The following AGAP6 variants were observed in gnomAD, a reference collection of about 807,000 sequenced individuals.
The protein encoded by AGAP6 is ArfGAP with GTPase domain, ankyrin repeat and PH domain 6.
In AGAP6, 29 loss-of-function variants were observed where a neutral mutation model predicts 63.9. That is an observed-to-expected ratio of 0.45 (90% CI 0.34 to 0.62). AGAP6 has a LOEUF of 0.62. Ranked by LOEUF, AGAP6 falls within the 20% of genes least tolerant of loss-of-function variation. AGAP6 has a pLI of 0.01. For synonymous variants in AGAP6, 199 were observed against 332.9 expected (o/e 0.60, Z 4.38); for missense variants, 493 against 884.9 (o/e 0.56, Z 5.62).
intron 7 of AGAP6, among the ~76,000 whole-genome samples, chr10:50,008,411 TCTC>T (rs1841991070): frequency 6.6e-6 from 1 of 151,712 alleles, no homozygotes; most frequent in South Asian, 2.1e-4. Context: ...TTCAAGCAAT[TCTC>T]CTGCCTCAGC....
intron 2 of AGAP6, among the ~76,000 whole-genome samples, chr10:49,990,861 T>A (rs1467579310): frequency 6.6e-6 from 1 of 152,154 alleles, no homozygotes; most frequent in African/African-American, 2.4e-5. Context: ...AGGATTGCTT[T>A]AGAATAAACA....
rs1431389558 is a variant in AGAP6 at position 50,009,203 on chromosome 10, A to G, written c.1078A>G (p.Ser360Gly). 6.2e-7 allele frequency: 1 copy of G among 1,614,120 alleles called. No individual in the cohort carries two copies. Among genetic ancestry groups the G allele is most frequent in the African/African-American group, 1.3e-5 (1 of 74,944 alleles). The change falls in exon 8 of 8, where the codon AGC becomes GGC. Residue 360 changes from serine to glycine, a missense_variant. Physicochemically the swap from Ser to Gly is moderately conservative, Grantham distance 56 (BLOSUM62 0). This residue lies in a region of AGAP6 where 342 missense variants were observed against 533.4 expected (regional missense o/e 0.64). Transcript: ENST00000412531. ...SACTPISSSK[S>G]NGLSKDMDTG... ...CTGCACACCCATCTCCAGCTCTAAAAGCAATGGCCTATCCAAGGACATGGA... is the reference window on the plus strand; with the variant it reads ...CTGCACACCCATCTCCAGCTCTAAAGGCAATGGCCTATCCAAGGACATGGA...
Position 50,008,786 on chromosome 10 carries a change from A to G in AGAP6, c.661A>G (p.Thr221Ala). 6.2e-7 allele frequency: 1 copy of G among 1,613,550 alleles called. No homozygotes were observed. The highest frequency in any genetic ancestry group is 1.1e-5 in the South Asian group (1 of 91,028). Reference protein sequence around the residue: ...LNNYSSSIPSTPSTSQEDPQF... With the variant: ...LNNYSSSIPSAPSTSQEDPQF... Reference sequence around the variant, plus strand: ...TAACTATTCCTCCTCCATTCCATCGACTCCCAGCACCAGCCAGGAGGACCC... The same window carrying G: ...TAACTATTCCTCCTCCATTCCATCGGCTCCCAGCACCAGCCAGGAGGACCC... The change falls in exon 8 of 8, where the codon ACT (threonine) becomes GCT (alanine). Residue 221 changes from threonine to alanine, a missense_variant. By Grantham distance (58) the Thr-to-Ala change is moderately conservative. Coordinates refer to ENST00000412531, the MANE Select transcript of AGAP6 (RefSeq NM_001077665.3).
rs1554860136 is a variant in AGAP6, at chr10:49,988,863, C to T, written c.148C>T (p.Gln50Ter). The change falls in exon 1 of 8, where the codon CAG (glutamine) becomes TAG (stop). Residue 50 changes from glutamine to a stop codon, truncating the protein, a stop_gained. Transcript: ENST00000412531. LOFTEE classifies it high-confidence loss of function. ...MAGAPMAAAV[Q>*]PAEVTVEVGE... is the part of the protein sequence containing the mutation. Reference sequence around the variant, plus strand: ...AGGAGCGCCCATGGCTGCTGCTGTACAGCCTGCTGAGGTGACTGTTGAAGT... The same window carrying T: ...AGGAGCGCCCATGGCTGCTGCTGTATAGCCTGCTGAGGTGACTGTTGAAGT... 6.3e-7 allele frequency: 1 copy of T among 1,599,218 alleles called. No homozygotes were observed. Among genetic ancestry groups the T allele is most frequent in the African/African-American group, 1.3e-5 (1 of 74,736 alleles).
At chr10:49,994,174 T>G (rs1158543660) in intron 3 of AGAP6, among the ~76,000 whole-genome samples, 1 of 152,174 alleles carries the variant, frequency 6.6e-6, no homozygotes. Flanking sequence ...TTCATTTGTA[T>G]GTAATAGAAA....
rs1554860193 is a variant in AGAP6 at position 49,988,953 on chromosome 10, G to A, written c.223+15G>A. ...GATGCCTGAAGGTGAGGAGGTGATAGGTGCCATCTACCCTCGGTTTGCCTC... is the reference window on the plus strand; with the variant it reads ...GATGCCTGAAGGTGAGGAGGTGATAAGTGCCATCTACCCTCGGTTTGCCTC... On this transcript the variant is annotated intron_variant, in intron 1 of 7. Coordinates refer to ENST00000412531, the MANE Select transcript of AGAP6 (RefSeq NM_001077665.3). 5.0e-6 allele frequency: 8 copies of A among 1,601,366 alleles called. No individual in the cohort carries two copies. In the South Asian group the frequency reaches 8.8e-5, roughly 18 times the overall value.
At chr10:49,993,139 A>G (rs184990576) in intron 3 of AGAP6, among the ~76,000 whole-genome samples, 10,949 of 152,090 alleles carry the variant, frequency 0.072, 532 homozygotes, top group African/African-American at 0.13. Flanking sequence ...TTCATAAGGA[A>G]TCCACTGCCA....
chr10:49,989,666 G>C (rs1841192901), intron 2 of AGAP6, among the ~76,000 whole-genome samples: 1 of 152,042 alleles, frequency 6.6e-6, no homozygotes, highest in Non-Finnish European at 1.5e-5. Context: ...AGGCTATATG[G>C]TATTCTTAAT....
intron 6 of AGAP6, among the ~76,000 whole-genome samples, chr10:50,006,624 G>T (rs1216059308): frequency 5.3e-5 from 8 of 152,168 alleles, no homozygotes; most frequent in Non-Finnish European, 1.2e-4. Flanking sequence ...CAAGCCATCT[G>T]CCTGCTTTGG....
At chr10:49,995,391 A>G (rs1240389655) in intron 4 of AGAP6, among the ~76,000 whole-genome samples, 1 of 152,062 alleles carries the variant, frequency 6.6e-6, no homozygotes, top group Admixed American at 6.6e-5. Flanking sequence ...TTTCACATCC[A>G]TTATTTTTTA....
At position 50,008,067 on chromosome 10, in the gene AGAP6, C is replaced by T; in HGVS notation, c.576C>T (p.His192=). The change falls in exon 7 of 8, where the codon CAC becomes CAT. Residue 192 remains histidine (H), a synonymous_variant. Coordinates refer to ENST00000412531, the MANE Select transcript of AGAP6 (RefSeq NM_001077665.3). ...RTLSIPDEQL[H]SFAVSTVHIM... ...TGAGCATACCTGATGAACAGTTACA[C>T]TCATTTGCGGTAAGTGGCACTTTTA... is the stretch of plus-strand genomic sequence containing the variant. The T allele has an allele frequency of 1.2e-6, 2 of 1,611,932 alleles. No homozygotes were observed. The highest frequency in any genetic ancestry group is 4.5e-5 in the East Asian group (2 of 44,870).
At chr10:49,990,503 CAG>C (rs781837631) in intron 2 of AGAP6, among the ~76,000 whole-genome samples, 66 of 152,166 alleles carry the variant, frequency 4.3e-4, no homozygotes, top group Non-Finnish European at 8.8e-4. Flanking sequence ...TTGGCAGAGG[CAG>C]GGGATGGGAG....
At chr10:49,990,087 G>A (rs1256545321) in intron 2 of AGAP6, among the ~76,000 whole-genome samples, 11 of 152,120 alleles carry the variant, frequency 7.2e-5, no homozygotes, top group East Asian at 1.9e-4. Flanking sequence ...GTTTGTTGCC[G>A]TGGCTCCCCG....
At chr10:49,993,353 T>C (rs1554861416) in intron 3 of AGAP6, among the ~76,000 whole-genome samples, 1 of 152,170 alleles carries the variant, frequency 6.6e-6, no homozygotes, top group Non-Finnish European at 1.5e-5. Context: ...TGGTAGGAGC[T>C]TTTGCCTACA....
chr10:49,997,874 A>G (rs1229012503), intron 4 of AGAP6, among the ~76,000 whole-genome samples: 1 of 144,154 alleles, frequency 6.9e-6, no homozygotes, highest in Non-Finnish European at 1.5e-5. Flanking sequence ...ATGAAAGAGA[A>G]CATGATATTT....
rs782199390 is a variant in AGAP6, at chr10:49,989,345, C to T, written c.261C>T (p.Ser87=). 2.5e-6 allele frequency: 4 copies of T among 1,597,478 alleles called. No individual in the cohort carries two copies. The highest frequency in any genetic ancestry group is 3.4e-6 in the Non-Finnish European group (4 of 1,179,762). The change falls in exon 2 of 8, where the codon AGC becomes AGT. Residue 87 remains serine, a synonymous_variant. Coordinates refer to ENST00000412531, the MANE Select transcript of AGAP6 (RefSeq NM_001077665.3). ...ACCTTTCTGCCAATCCAGAGTCAAG[C>T]ACAATATTCCAGAGGAACTCTCAAA... The part of the protein sequence containing the change: ...EFNLSANPES[S]TIFQRNSQTE...
At chr10:49,991,125 T>G (rs1443717839) in intron 2 of AGAP6, among the ~76,000 whole-genome samples, 2 of 152,246 alleles carry the variant, frequency 1.3e-5, no homozygotes, top group South Asian at 2.1e-4. Flanking sequence ...CCCTATGTAT[T>G]GTTAATGAAG....
intron 4 of AGAP6, among the ~76,000 whole-genome samples, chr10:49,997,746 C>A (rs1442739311): frequency 6.6e-6 from 1 of 150,388 alleles, no homozygotes; most frequent in Non-Finnish European, 1.5e-5. Flanking sequence ...GAGCAGTATC[C>A]GCTGAACCCA....
At chr10:50,008,673 C>T (rs1554864409) in intron 7 of AGAP6, 38 bp from the exon 8 acceptor site, 2 of 1,613,944 alleles carry the variant, frequency 1.2e-6, no homozygotes, top group Non-Finnish European at 1.7e-6. Context: ...AAGCCACTAC[C>T]CAATTTTTGA....
Sources: allele counts gnomAD v4.1 joint callset (sites outside exome capture counted in the v4.1 genomes callset), GRCh38; gene constraint gnomAD v4.1.1; regional missense constraint gnomAD v4.1.1; transcripts MANE v1.5; gene names NCBI Gene and HGNC (gene_info 2026-07-23, HGNC 2026-07-21).